CDH12: variants seen among roughly 807,000 people sequenced by gnomAD.
The protein encoded by CDH12 is cadherin-12.
In CDH12, 41 loss-of-function variants were observed where a neutral mutation model predicts 74.1. The ratio of observed to expected loss-of-function variants is 0.55; its 90% confidence interval spans 0.43 to 0.72. CDH12 has a LOEUF of 0.72. Ranked by LOEUF, CDH12 falls within the 30% of genes least tolerant of loss-of-function variation. CDH12 has a pLI of 0.00. For missense variants in CDH12, 945 were observed against 977.2 expected (o/e 0.97, Z 0.44); for synonymous variants, 399 against 355.0 (o/e 1.12, Z -1.39).
At chr5:22,738,217 C>T (rs1744841523) in intron 1 of CDH12, among the ~76,000 whole-genome samples, 1 of 151,942 alleles carries the variant, frequency 6.6e-6, no homozygotes, top group Non-Finnish European at 1.5e-5. Context: ...TCTCGTGGAG[C>T]AGACGTTACA....
intron 1 of CDH12, among the ~76,000 whole-genome samples, chr5:22,544,474 T>G: frequency 6.6e-6 from 1 of 152,246 alleles, no homozygotes; most frequent in African/African-American, 2.4e-5. Context: ...ATATGTATAA[T>G]ATTAGAATCT....
At chr5:22,665,311 G>A (rs1343611806) in intron 1 of CDH12, among the ~76,000 whole-genome samples, 1 of 152,162 alleles carries the variant, frequency 6.6e-6, no homozygotes, top group Non-Finnish European at 1.5e-5. Flanking sequence ...TCATAGGAAT[G>A]CAATTTTCTA....
At chr5:22,649,554 A>G (rs938326027) in intron 1 of CDH12, among the ~76,000 whole-genome samples, 2 of 152,048 alleles carry the variant, frequency 1.3e-5, no homozygotes, top group Non-Finnish European at 2.9e-5. Flanking sequence ...CATTTGGAAA[A>G]CATAGGATTT....
In CDH12 at chr5:22,687,247, T is replaced by C. The variant is rs146795935; in HGVS notation, c.-523+165811A>G. On this transcript the variant is annotated intron_variant, in intron 1 of 14. Transcript: ENST00000382254. ...AGTCGGAGGTTGCAGTGAGCCGAGA[T>C]TGAGCCACTGTACTGCAGCCTGGCA... Among the ~76,000 whole-genome samples, 622 of 151,898 alleles carry C rather than the reference T, an allele frequency of 4.1e-3. 6 individuals carry two copies. Among genetic ancestry groups the C allele is most frequent in the African/African-American group, 0.014 (583 of 41,432 alleles).
At chr5:22,536,731 G>A (rs1481940122) in intron 1 of CDH12, among the ~76,000 whole-genome samples, 1 of 152,088 alleles carries the variant, frequency 6.6e-6, no homozygotes, top group African/African-American at 2.4e-5. Flanking sequence ...CTAAACTAGT[G>A]GTGAACAGCT....
intron 1 of CDH12, among the ~76,000 whole-genome samples, chr5:22,764,190 G>C (rs1746380770): frequency 6.6e-6 from 1 of 151,666 alleles, no homozygotes; most frequent in Non-Finnish European, 1.5e-5. Context: ...TTTTACCTCA[G>C]GTTTTTGCAC....
At chr5:22,038,790 C>T (rs1020295085) in intron 5 of CDH12, among the ~76,000 whole-genome samples, 8 of 152,048 alleles carry the variant, frequency 5.3e-5, no homozygotes, top group Non-Finnish European at 1.0e-4. Flanking sequence ...ATTTGTGCCT[C>T]GACTGAGCTG....
intron 4 of CDH12, among the ~76,000 whole-genome samples, chr5:22,147,507 C>A (rs1412580874): frequency 1.3e-5 from 2 of 151,616 alleles, no homozygotes; most frequent in Non-Finnish European, 2.9e-5. Flanking sequence ...ATTAATTAAT[C>A]CCTAATCTTT....
chr5:22,094,053 A>G (rs2150241508), intron 4 of CDH12, among the ~76,000 whole-genome samples: 1 of 152,286 alleles, frequency 6.6e-6, no homozygotes, highest in East Asian at 1.9e-4. Flanking sequence ...TAAATCCTCT[A>G]AAGTTTTATA....
rs1319119782 is a variant in CDH12 at position 21,783,558 on chromosome 5, G to A, written c.1257-64C>T. 8 of 1,245,294 alleles carry A rather than the reference G, an allele frequency of 6.4e-6. No homozygotes were observed. In the Admixed American group the frequency reaches 1.1e-4, roughly 17 times the overall value. The allele number at this position is 1,245,294 out of a possible 1,614,324, so 77.1% of individuals were successfully genotyped here. A position where few individuals can be genotyped will look rare whatever the true frequency, so the allele number is the denominator to read the frequency against. ...ACACATTAATCATAATGGCACTTAG[G>A]CTAACTTGACACAGTTCCTTATTTT... On this transcript the variant is annotated intron_variant, in intron 10 of 14. Coordinates refer to ENST00000382254, the MANE Select transcript of CDH12 (RefSeq NM_004061.5).
chr5:21,903,376 A>G (rs1031427258), intron 6 of CDH12, among the ~76,000 whole-genome samples: 4 of 152,164 alleles, frequency 2.6e-5, no homozygotes, highest in African/African-American at 4.8e-5. Context: ...TGAAAAACGT[A>G]CGTAAGAAGC....
intron 5 of CDH12, among the ~76,000 whole-genome samples, chr5:22,052,541 A>T (rs140484452): frequency 6.6e-6 from 1 of 152,258 alleles, no homozygotes; most frequent in Admixed American, 6.5e-5. Context: ...GGTGTTGCTT[A>T]TACTAGTCTA....
At chr5:22,397,147 C>T (rs1031556214) in intron 3 of CDH12, among the ~76,000 whole-genome samples, 19 of 152,118 alleles carry the variant, frequency 1.2e-4, no homozygotes, top group East Asian at 3.9e-4. Context: ...AAGATGTAGC[C>T]GGTGGAATGC....
At chr5:22,117,335 C>A (rs1277822918) in intron 4 of CDH12, among the ~76,000 whole-genome samples, 1 of 146,188 alleles carries the variant, frequency 6.8e-6, no homozygotes, top group Non-Finnish European at 1.5e-5. Context: ...TACGAAAATC[C>A]TAAATGAAAG....
chr5:22,203,643 T>C (rs976917633), intron 4 of CDH12, among the ~76,000 whole-genome samples: 1 of 152,202 alleles, frequency 6.6e-6, no homozygotes, highest in Non-Finnish European at 1.5e-5. Flanking sequence ...ATGGTAGTTC[T>C]ATTTTTAATA....
chr5:21,783,598 T>A (rs951869345), intron 10 of CDH12, 104 bp from the exon 11 acceptor site: 11 of 788,810 alleles, frequency 1.4e-5, no homozygotes, highest in Non-Finnish European at 2.3e-5. Context: ...CCTGTAGCTA[T>A]TACCCACCTT....
intron 3 of CDH12, among the ~76,000 whole-genome samples, chr5:22,350,556 G>T (rs925407445): frequency 1.3e-5 from 2 of 151,890 alleles, no homozygotes; most frequent in African/African-American, 4.8e-5. Flanking sequence ...ATCTCCATAG[G>T]GTTTGTTCAA....
intron 1 of CDH12, among the ~76,000 whole-genome samples, chr5:22,552,020 T>C (rs1236031338): frequency 6.6e-6 from 1 of 152,114 alleles, no homozygotes; most frequent in African/African-American, 2.4e-5. Flanking sequence ...GTAAGTAATA[T>C]ACCTACAGAT....
At chr5:22,069,804 C>A (rs573165059) in intron 5 of CDH12, among the ~76,000 whole-genome samples, 2 of 152,136 alleles carry the variant, frequency 1.3e-5, no homozygotes, top group South Asian at 4.1e-4. Context: ...TTAGGGCACC[C>A]CTTATATTAC....
Sources: gnomAD v4.1 joint callset for allele counts (sites outside exome capture counted in the v4.1 genomes callset) on GRCh38, gnomAD v4.1.1 for gene constraint, MANE v1.5 for transcripts, NCBI Gene and HGNC (gene_info 2026-07-23, HGNC 2026-07-21) for gene names.